CNOT4: variants seen among roughly 807,000 people sequenced by gnomAD.
The protein encoded by CNOT4 is CCR4-NOT transcription complex subunit 4.
In CNOT4, 8 loss-of-function variants were observed where a neutral mutation model predicts 73.8. The observed-to-expected ratio is 0.11, with a 90% confidence interval of 0.06 to 0.20. The LOEUF is 0.20. CNOT4 is among the 10% of genes least tolerant of loss of function. The probability of loss-of-function intolerance (pLI) is 1.00; values close to 1 mark genes in which losing one functional copy is unlikely to be tolerated. For synonymous variants in CNOT4, 293 were observed against 321.1 expected, an observed-to-expected ratio of 0.91 and a Z score of 0.94; for missense variants, 564 against 883.4, an observed-to-expected ratio of 0.64 and a Z score of 4.58.
At position 135,454,546 on chromosome 7, in the gene CNOT4, C is replaced by T. The variant is rs111861888; in HGVS notation, c.-92-16123G>A. On this transcript the variant is annotated intron_variant, in intron 1 of 11. Coordinates refer to ENST00000541284, the MANE Select transcript of CNOT4 (RefSeq NM_001190850.2). ...AAAAATAGCCAGGTGCGGTGGTACG[C>T]ACCTGTGGTCCCAGCTACACAGGAG... 2.6e-5 allele frequency among the ~76,000 whole-genome samples: 4 copies of T among 151,828 alleles called. 1 individual carries two copies. The highest frequency in any genetic ancestry group is 9.7e-5 in the African/African-American group (4 of 41,444).
At position 135,362,930 on chromosome 7, in the gene CNOT4, T is replaced by G. The variant is rs1273073087; in HGVS notation, c.2097A>C (p.Lys699Asn). 1.9e-6 allele frequency: 3 copies of G among 1,611,452 alleles called. No individual in the cohort carries two copies. The highest frequency in any genetic ancestry group is 4.5e-5 in the East Asian group (2 of 44,802). The change falls in exon 12 of 12, where the codon AAA (lysine) becomes AAC (asparagine). Residue 699 changes from lysine (K) to asparagine (N), a missense_variant. Coordinates refer to ENST00000541284, the MANE Select transcript of CNOT4 (RefSeq NM_001190850.2). ...AACTCTGTAGTAAATCTGTGGGGGT[T>G]TTGCTGGGGGGTCTGAAGGCTGTCT... ...GFQTAFRPPS[K>N]TPTDLLQSST...
At chr7:135,422,034 T>C in intron 3 of CNOT4, 122 bp downstream of exon 3, 1 of 622,860 alleles carries the variant, frequency 1.6e-6, no homozygotes, top group Non-Finnish European at 2.9e-6. Context: ...AATTTCTTAT[T>C]TTCTCCTTCA....
At chr7:135,400,808 G>A (rs981094669) in intron 7 of CNOT4, among the ~76,000 whole-genome samples, 1 of 152,178 alleles carries the variant, frequency 6.6e-6, no homozygotes, top group South Asian at 2.1e-4. Flanking sequence ...TATGGCAAGA[G>A]ACCAGTAAAT....
At chr7:135,440,144 C>T (rs1323641823) in intron 1 of CNOT4, among the ~76,000 whole-genome samples, 1 of 146,530 alleles carries the variant, frequency 6.8e-6, no homozygotes, top group Non-Finnish European at 1.5e-5. Context: ...GTAAAAGATA[C>T]ATTTGCTACA....
chr7:135,370,858 A>T (rs1795166739), intron 10 of CNOT4, among the ~76,000 whole-genome samples: 1 of 152,226 alleles, frequency 6.6e-6, no homozygotes, highest in Non-Finnish European at 1.5e-5. Context: ...AAACTGAAGG[A>T]AATGAGCCAC....
intron 1 of CNOT4, among the ~76,000 whole-genome samples, chr7:135,467,990 C>A (rs761652791): frequency 6.6e-6 from 1 of 151,506 alleles, no homozygotes; most frequent in East Asian, 2.0e-4. Flanking sequence ...TCGAGACGGG[C>A]GGCTCACGAG....
At chr7:135,449,948 G>A (rs531045499) in intron 1 of CNOT4, among the ~76,000 whole-genome samples, 1 of 151,974 alleles carries the variant, frequency 6.6e-6, no homozygotes, top group East Asian at 1.9e-4. Context: ...CTTTAAACAT[G>A]AAATTATAAA....
At position 135,504,690 on chromosome 7, in the gene CNOT4, T is replaced by A. The variant is rs1804243377; in HGVS notation, c.-93+5199A>T. Among the ~76,000 whole-genome samples, 2 of 119,638 alleles carry A rather than the reference T, an allele frequency of 1.7e-5. 1 individual carries two copies. Among genetic ancestry groups the A allele is most frequent in the African/African-American group, 7.1e-5 (2 of 28,140 alleles). 78.5% of individuals were successfully genotyped at this position (119,638 alleles called of 152,430 possible). Reference sequence around the variant, plus strand: ...TTTAGTAGAGACGGGGTTTCACCGTTTTAGCCGGGATGGTCTCGATCTCCT... The same window carrying A: ...TTTAGTAGAGACGGGGTTTCACCGTATTAGCCGGGATGGTCTCGATCTCCT... On this transcript the variant is annotated intron_variant, in intron 1 of 11. Transcript: ENST00000541284.
chr7:135,422,530 T>C (rs1008632162), intron 2 of CNOT4, among the ~76,000 whole-genome samples, 177 bp from the exon 3 acceptor site: 9 of 152,134 alleles, frequency 5.9e-5, no homozygotes, highest in African/African-American at 1.7e-4. Flanking sequence ...TTAAATAAAA[T>C]AGTTCTAATA....
At chr7:135,487,072 G>C (rs1329476124) in intron 1 of CNOT4, among the ~76,000 whole-genome samples, 4 of 151,636 alleles carry the variant, frequency 2.6e-5, no homozygotes, top group Non-Finnish European at 5.9e-5. Flanking sequence ...CCTATTATCT[G>C]TATTATCTCT....
chr7:135,426,923 C>CAA (rs34873636), intron 2 of CNOT4, among the ~76,000 whole-genome samples: 61 of 70,060 alleles, frequency 8.7e-4, no homozygotes, highest in Admixed American at 1.4e-3. Context: ...AACTCCATCT[C>CAA]AAAAAAAAAA....
At chr7:135,493,412 C>T (rs1803246745) in intron 1 of CNOT4, among the ~76,000 whole-genome samples, 2 of 152,040 alleles carry the variant, frequency 1.3e-5, no homozygotes, top group Non-Finnish European at 2.9e-5. Flanking sequence ...TATTTAATTG[C>T]CAATGTATAA....
intron 1 of CNOT4, among the ~76,000 whole-genome samples, chr7:135,455,877 C>G (rs957165714): frequency 1.3e-5 from 2 of 152,000 alleles, no homozygotes; most frequent in Non-Finnish European, 2.9e-5. Flanking sequence ...AAAAAACAAA[C>G]AAACAAAAAA....
intron 2 of CNOT4, among the ~76,000 whole-genome samples, chr7:135,427,622 T>A (rs1271330713): frequency 1.3e-5 from 2 of 152,234 alleles, no homozygotes; most frequent in Admixed American, 1.3e-4. Context: ...AATTTATGTA[T>A]TACAGGTAAA....
Position 135,363,186 on chromosome 7 carries a change from C to T in CNOT4, c.1841G>A (p.Gly614Asp), listed in dbSNP as rs770901675. 1.2e-6 allele frequency: 2 copies of T among 1,612,546 alleles called. No homozygotes were observed. The highest frequency in any genetic ancestry group is 1.7e-6 in the Non-Finnish European group (2 of 1,179,634). The change falls in exon 12 of 12, where the codon GGT becomes GAT. Residue 614 changes from glycine to aspartate, a missense_variant and splice_region_variant. Coordinates refer to ENST00000541284, the MANE Select transcript of CNOT4 (RefSeq NM_001190850.2). This position sits in a 1 kb window ranked among gnomAD's most constrained non-coding sequence, Gnocchi z 4.3. The stretch of plus-strand genomic sequence containing the variant: ...ACTGTTTCCTGAAGACGCTGGAATA[C>T]CTAAGGAGAGAAAAGAAAAAAGAGG... ...GSWTDPAIIT[G>D]IPASSGNSLD...
chr7:135,367,856 A>G (rs998463573), intron 10 of CNOT4, among the ~76,000 whole-genome samples: 3 of 152,336 alleles, frequency 2.0e-5, no homozygotes, highest in South Asian at 2.1e-4. Context: ...AACATTTTAT[A>G]TTAAAAACAA....
At chr7:135,413,191 T>C (rs1372186557) in intron 6 of CNOT4, among the ~76,000 whole-genome samples, 1 of 151,976 alleles carries the variant, frequency 6.6e-6, no homozygotes, top group African/African-American at 2.4e-5. Flanking sequence ...TGGTTGTAAA[T>C]TCCCTTCGTG....
chr7:135,477,817 T>C (rs1802091726), intron 1 of CNOT4, among the ~76,000 whole-genome samples: 1 of 152,126 alleles, frequency 6.6e-6, no homozygotes, highest in Admixed American at 6.5e-5. Context: ...GAACAATAAA[T>C]TCATGGAAAT....
intron 10 of CNOT4, among the ~76,000 whole-genome samples, chr7:135,390,622 C>A (rs1796351238): frequency 2.0e-5 from 3 of 150,088 alleles, no homozygotes; most frequent in African/African-American, 4.9e-5. Context: ...TCAATTAGAT[C>A]AAAAAAAAAG....
Sources: allele counts gnomAD v4.1 joint callset (sites outside exome capture counted in the v4.1 genomes callset), GRCh38; gene constraint gnomAD v4.1.1; non-coding constraint Gnocchi (gnomAD v3.1); transcripts MANE v1.5; gene names NCBI Gene and HGNC (gene_info 2026-07-23, HGNC 2026-07-21).